Variants in PELI2 observed in about 807,000 individuals in gnomAD.
The protein encoded by PELI2 is E3 ubiquitin-protein ligase pellino homolog 2.
In PELI2, 23 loss-of-function variants were observed where a neutral mutation model predicts 42.3. That is an observed-to-expected ratio of 0.54 (90% CI 0.39 to 0.77). The LOEUF (loss-of-function observed/expected upper bound fraction) is 0.77. Among genes scored for constraint, PELI2 ranks in the 30% least tolerant of loss-of-function variants. The pLI is 0.00. For synonymous variants in PELI2, 245 were observed against 212.2 expected, an observed-to-expected ratio of 1.15 and a Z score of -1.34; for missense variants, 463 against 553.2, an observed-to-expected ratio of 0.84 and a Z score of 1.64.
chr14:56,180,025 C>G lies in PELI2; in HGVS notation c.207+1561C>G. ...GTATCTCTTCTTTAATCTTTAGCCACTGCCATCTCCTCCCATTTTAGCCTT... is the reference window on the plus strand; with the variant it reads ...GTATCTCTTCTTTAATCTTTAGCCAGTGCCATCTCCTCCCATTTTAGCCTT... On this transcript the variant is annotated intron_variant, in intron 2 of 5. Transcript: ENST00000267460. This position sits in a 1 kb window ranked among gnomAD's most constrained non-coding sequence, Gnocchi z 4.4. Among the ~76,000 whole-genome samples the G allele has an allele frequency of 6.6e-6, 1 of 152,214 alleles. No homozygotes were observed.
chr14:56,251,103 A>G (rs1888328158), intron 2 of PELI2, among the ~76,000 whole-genome samples: 1 of 152,258 alleles, frequency 6.6e-6, no homozygotes, highest in East Asian at 1.9e-4. Flanking sequence ...TCTCCCAGGC[A>G]TTTCTGGACT....
intron 2 of PELI2, among the ~76,000 whole-genome samples, chr14:56,248,490 C>T (rs1012753830): frequency 2.6e-5 from 4 of 151,986 alleles, no homozygotes; most frequent in Admixed American, 6.6e-5. Context: ...GGTGGCTTAC[C>T]GTTCTGCTGA....
In PELI2 at chr14:56,297,173, T is replaced by A. The variant is rs770676480; in HGVS notation, c.*7T>A. On this transcript the variant is annotated 3_prime_UTR_variant, in exon 6 of 6. Transcript: ENST00000267460. Reference sequence around the variant, plus strand: ...CCAAGGTCCAATTGACTGACGCCCTTGACAGCCATCTACGACTTTATTAAC... The same window carrying A: ...CCAAGGTCCAATTGACTGACGCCCTAGACAGCCATCTACGACTTTATTAAC... The A allele has an allele frequency of 6.3e-6, 10 of 1,582,282 alleles. No individual in the cohort carries two copies. The highest frequency in any genetic ancestry group is 8.6e-6 in the Non-Finnish European group (10 of 1,165,912).
chr14:56,164,949 G>A (rs1884896839), intron 1 of PELI2, among the ~76,000 whole-genome samples: 1 of 147,786 alleles, frequency 6.8e-6, no homozygotes, highest in Admixed American at 6.9e-5. Context: ...TGTGGCTAAA[G>A]GTTTGTCAAT....
chr14:56,213,943 C>G (rs1001559533), intron 2 of PELI2, among the ~76,000 whole-genome samples: 23 of 151,986 alleles, frequency 1.5e-4, no homozygotes, highest in Admixed American at 6.6e-5. Context: ...CCTCCGCCTC[C>G]CAGGTTCAGG....
chr14:56,220,155 C>A (rs866042944), intron 2 of PELI2, among the ~76,000 whole-genome samples: 1 of 152,212 alleles, frequency 6.6e-6, no homozygotes, highest in African/African-American at 2.4e-5. Flanking sequence ...ACACAACAGA[C>A]GTGTCCCAGC....
At chr14:56,286,560 C>T (rs1889651827) in intron 3 of PELI2, among the ~76,000 whole-genome samples, 1 of 152,184 alleles carries the variant, frequency 6.6e-6, no homozygotes, top group African/African-American at 2.4e-5. Context: ...AATTCAGAAG[C>T]ACCCTGGCTT....
chr14:56,121,351 T>C (rs547791367), intron 1 of PELI2, among the ~76,000 whole-genome samples: 39 of 152,302 alleles, frequency 2.6e-4, no homozygotes, highest in African/African-American at 9.1e-4. Context: ...TAGATGTCTA[T>C]ATCCATATCT....
At chr14:56,268,233 T>C (rs533990622) in intron 2 of PELI2, among the ~76,000 whole-genome samples, 1 of 152,226 alleles carries the variant, frequency 6.6e-6, no homozygotes, top group Non-Finnish European at 1.5e-5. Flanking sequence ...TTCAACTTAG[T>C]CATTCGCAGG....
intron 2 of PELI2, among the ~76,000 whole-genome samples, chr14:56,259,080 G>A (rs1888625260): frequency 6.6e-6 from 1 of 152,096 alleles, no homozygotes; most frequent in South Asian, 2.1e-4. Context: ...ACGGACAGAA[G>A]TAGGGAGAAA....
rs550660822 is a variant in PELI2, at chr14:56,165,183, G to C, written c.78-13152G>C. On this transcript the variant is annotated intron_variant, in intron 1 of 5. Coordinates refer to ENST00000267460, the MANE Select transcript of PELI2 (RefSeq NM_021255.3). ...TTAACAGCTATAAACTTCCCTGTTA[G>C]TACTACTTTTGCTGTATCTGATAGG... 3.3e-5 allele frequency among the ~76,000 whole-genome samples: 5 copies of C among 151,956 alleles called. 2 individuals carry two copies. Among genetic ancestry groups the C allele is most frequent in the Admixed American group, 3.3e-4 (5 of 15,278 alleles).
chr14:56,188,999 A>C (rs888882280), intron 2 of PELI2, among the ~76,000 whole-genome samples: 1 of 152,122 alleles, frequency 6.6e-6, no homozygotes, highest in African/African-American at 2.4e-5. Flanking sequence ...GTCTCTACTA[A>C]AAATAGAAAA....
chr14:56,145,648 A>AT, intron 1 of PELI2, among the ~76,000 whole-genome samples: 1 of 152,088 alleles, frequency 6.6e-6, no homozygotes, highest in East Asian at 1.9e-4. Context: ...AGCAGTTCAC[A>AT]TTTTTTTCAT....
chr14:56,263,757 T>C (rs930865729), intron 2 of PELI2, among the ~76,000 whole-genome samples: 2 of 152,152 alleles, frequency 1.3e-5, no homozygotes, highest in African/African-American at 4.8e-5. Flanking sequence ...ATTGTTCTTA[T>C]TAGAGAGTTA....
intron 2 of PELI2, among the ~76,000 whole-genome samples, chr14:56,263,502 AAAT>A (rs1330649193): frequency 6.6e-6 from 1 of 152,222 alleles, no homozygotes; most frequent in Non-Finnish European, 1.5e-5. Context: ...AATAGAATGT[AAAT>A]ATTATTATTC....
At chr14:56,154,012 T>G (rs1269243726) in intron 1 of PELI2, among the ~76,000 whole-genome samples, 1 of 152,222 alleles carries the variant, frequency 6.6e-6, no homozygotes, top group South Asian at 2.1e-4. Context: ...TAACAAAATA[T>G]ACACTTTAAA....
chr14:56,254,158 T>C (rs989963748), intron 2 of PELI2, among the ~76,000 whole-genome samples: 1 of 152,136 alleles, frequency 6.6e-6, no homozygotes, highest in Non-Finnish European at 1.5e-5. Context: ...CCCAACACTT[T>C]AGGAGGCCAA....
chr14:56,127,171 G>A (rs770013605), intron 1 of PELI2, among the ~76,000 whole-genome samples: 14 of 152,150 alleles, frequency 9.2e-5, no homozygotes, highest in East Asian at 1.9e-4. Flanking sequence ...TGTTGAGAGC[G>A]TGGCAGTTGA....
intron 2 of PELI2, among the ~76,000 whole-genome samples, chr14:56,259,573 A>G (rs1048718481): frequency 7.2e-5 from 11 of 152,286 alleles, no homozygotes; most frequent in African/African-American, 2.2e-4. Context: ...ATGCACAGAA[A>G]GTACTGGATA....
Sources: gnomAD v4.1 joint callset for allele counts (sites outside exome capture counted in the v4.1 genomes callset) on GRCh38, gnomAD v4.1.1 for gene constraint, Gnocchi (gnomAD v3.1) non-coding constraint, MANE v1.5 for transcripts, NCBI Gene and HGNC (gene_info 2026-07-23, HGNC 2026-07-21) for gene names.